Variants in EPB41 observed in about 807,000 individuals in gnomAD.
EPB41 encodes the protein erythrocyte membrane protein band 4.1.
A neutral mutation model predicts 108.0 loss-of-function variants in EPB41; 65 were observed. The observed-to-expected ratio is 0.60, with a 90% confidence interval of 0.49 to 0.74. The LOEUF is 0.74. EPB41 is among the 30% of genes least tolerant of loss of function. The probability of loss-of-function intolerance (pLI) is 0.00; values close to 1 mark genes in which losing one functional copy is unlikely to be tolerated. For missense variants in EPB41, 875 were observed against 1,037.0 expected (o/e 0.84, Z 2.15); for synonymous variants, 336 against 358.9 (o/e 0.94, Z 0.72).
At chr1:28,900,220 C>A (rs956708033) in intron 1 of EPB41, among the ~76,000 whole-genome samples, 5 of 151,810 alleles carry the variant, frequency 3.3e-5, no homozygotes, top group Admixed American at 3.3e-4. Flanking sequence ...CAGAGACTAG[C>A]AGCAGAAAGG....
intron 7 of EPB41, among the ~76,000 whole-genome samples, chr1:29,024,172 T>C (rs1572640218): frequency 6.6e-6 from 1 of 151,306 alleles, no homozygotes; most frequent in Non-Finnish European, 1.5e-5. Context: ...CCATCTCTAC[T>C]GAAAATACAA....
At chr1:28,905,993 A>G (rs1233074950) in intron 1 of EPB41, among the ~76,000 whole-genome samples, 1 of 151,568 alleles carries the variant, frequency 6.6e-6, no homozygotes, top group Non-Finnish European at 1.5e-5. Flanking sequence ...AATTTTATGT[A>G]TTTTTAGTAG....
At chr1:29,057,901 G>A (rs1645830686) in intron 12 of EPB41, among the ~76,000 whole-genome samples, 3 of 152,232 alleles carry the variant, frequency 2.0e-5, no homozygotes, top group South Asian at 4.1e-4. Context: ...AGATTGCAGT[G>A]TGTTGAATGT....
At chr1:29,024,527 G>A (rs1234104131) in intron 7 of EPB41, among the ~76,000 whole-genome samples, 2 of 151,804 alleles carry the variant, frequency 1.3e-5, no homozygotes, top group Admixed American at 6.6e-5. Context: ...CAGCTACTCC[G>A]GAGGCTGAGG....
chr1:28,988,484 C>T (rs2095924026), intron 2 of EPB41, among the ~76,000 whole-genome samples: 1 of 151,874 alleles, frequency 6.6e-6, no homozygotes, highest in African/African-American at 2.4e-5. Flanking sequence ...CTCAGCCTCC[C>T]GAGTAGCTGG....
At chr1:28,987,260 G>A (rs1348430399) in intron 1 of EPB41, among the ~76,000 whole-genome samples, 171 bp from the exon 2 acceptor site, 1 of 152,166 alleles carries the variant, frequency 6.6e-6, no homozygotes, top group African/African-American at 2.4e-5. Flanking sequence ...TTCAGGATGT[G>A]TAGATAAGAT....
chr1:29,065,368 A>G, intron 16 of EPB41: 1 of 740,144 alleles, frequency 1.4e-6, no homozygotes, highest in Non-Finnish European at 1.9e-6. Context: ...AGCTATTTGG[A>G]GCCACCAGTA....
rs1019150929 is a variant in EPB41, at chr1:28,887,724, C to G, written c.-8+514C>G. The G allele has an allele frequency of 4.1e-6, 4 of 981,616 alleles. No individual in the cohort carries two copies. The African/African-American group carries it at 7.0e-5, about 17-fold the overall frequency. The allele number at this position is 981,616 out of a possible 1,614,324, so 60.8% of individuals were successfully genotyped here. A position where few individuals can be genotyped will look rare whatever the true frequency, so the allele number is the denominator to read the frequency against. On this transcript the variant is annotated intron_variant, in intron 1 of 16. Coordinates refer to the EPB41 transcript ENST00000347529. This position sits in a 1 kb window ranked among gnomAD's most constrained non-coding sequence, Gnocchi z 4.9. ...GTAACTGACTTTGAGTTTCCGGACC[C>G]AGGAACCGACCCGCCAGCTGGGGCG...
At chr1:29,078,014 G>A (rs1189659076) in intron 16 of EPB41, among the ~76,000 whole-genome samples, 1 of 152,120 alleles carries the variant, frequency 6.6e-6, no homozygotes, top group Non-Finnish European at 1.5e-5. Flanking sequence ...ATCATTTAAG[G>A]TCAGGAGTTT....
chr1:28,974,945 C>T (rs138572195), intron 1 of EPB41, among the ~76,000 whole-genome samples: 1,774 of 152,196 alleles, frequency 0.012, 13 homozygotes, highest in Middle Eastern at 0.017. Flanking sequence ...CAGGCATGCG[C>T]CACCACCCCT....
At chr1:28,905,383 G>A (rs1304772105) in intron 1 of EPB41, among the ~76,000 whole-genome samples, 1 of 151,524 alleles carries the variant, frequency 6.6e-6, no homozygotes, top group Admixed American at 6.6e-5. Flanking sequence ...TGTAATCCCA[G>A]CTACTCGGGA....
intron 16 of EPB41, among the ~76,000 whole-genome samples, chr1:29,078,617 G>A (rs568496594): frequency 6.6e-6 from 1 of 152,000 alleles, no homozygotes; most frequent in South Asian, 2.1e-4. Context: ...GGGCATGATG[G>A]CATGCCTGTA....
At chr1:29,034,973 G>GTTTTTTTTTTT (rs10580931) in intron 9 of EPB41, among the ~76,000 whole-genome samples, 31 of 87,168 alleles carry the variant, frequency 3.6e-4, no homozygotes, top group Admixed American at 7.5e-4. Flanking sequence ...TTTGTTTGTT[G>GTTTTTTTTTTT]TTTTTTTTTT....
intron 4 of EPB41, among the ~76,000 whole-genome samples, chr1:29,009,668 A>T (rs1425595022): frequency 6.6e-6 from 1 of 152,226 alleles, no homozygotes; most frequent in Non-Finnish European, 1.5e-5. Flanking sequence ...TGCCTTTGAA[A>T]ATACGGCAAC....
At chr1:29,110,293 C>T (rs771536091) in intron 18 of EPB41, among the ~76,000 whole-genome samples, 4 of 145,256 alleles carry the variant, frequency 2.8e-5, no homozygotes, top group Admixed American at 6.9e-5. Flanking sequence ...TGCAGTAAGC[C>T]GTGATCATGC....
At chr1:29,091,763 G>A (rs1168122569) in intron 16 of EPB41, among the ~76,000 whole-genome samples, 2 of 152,144 alleles carry the variant, frequency 1.3e-5, no homozygotes, top group Admixed American at 1.3e-4. Flanking sequence ...CAGTCTTTCA[G>A]TTCCATCTTT....
Position 28,997,312 on chromosome 1 carries a change from C to A in EPB41, c.779C>A (p.Thr260Asn). 3 of 1,601,846 alleles carry A rather than the reference C, an allele frequency of 1.9e-6. No individual in the cohort carries two copies. The highest frequency in any genetic ancestry group is 2.6e-6 in the Non-Finnish European group (3 of 1,168,830). The change falls in exon 4 of 21, where the codon ACC becomes AAC. Residue 260 changes from threonine (T) to asparagine (N), a missense_variant. By Grantham distance (65) the Thr-to-Asn change is moderately conservative. Around this residue, in one of 3 missense-constraint regions of EPB41, gnomAD observed 353 missense variants for 393.2 expected, o/e 0.90. Transcript: ENST00000343067. ...GGTCTAGCCATTTGGGATAACGCAA[C>A]CTCTAAGGTGAGGAGACTGCTTGCA... ...YFGLAIWDNA[T>N]SKTWLDSAKE...
At chr1:28,909,082 C>G (rs2092068474) in intron 1 of EPB41, among the ~76,000 whole-genome samples, 2 of 147,206 alleles carry the variant, frequency 1.4e-5, no homozygotes, top group African/African-American at 5.0e-5. Flanking sequence ...TCTCTTGATT[C>G]TGGAAGGCAG....
chr1:29,090,494 T>C (rs1231478412), intron 16 of EPB41, among the ~76,000 whole-genome samples: 1 of 152,034 alleles, frequency 6.6e-6, no homozygotes. Context: ...CTCACTCCTG[T>C]AATCCCAGCA....
Sources: gnomAD v4.1 joint callset for allele counts (sites outside exome capture counted in the v4.1 genomes callset) on GRCh38, gnomAD v4.1.1 for gene constraint, gnomAD v4.1.1 regional missense constraint, Gnocchi (gnomAD v3.1) non-coding constraint, MANE v1.5 for transcripts, NCBI Gene and HGNC (gene_info 2026-07-23, HGNC 2026-07-21) for gene names.